RTKN2: variants seen among roughly 807,000 people sequenced by gnomAD.
The protein encoded by RTKN2 is rhotekin-2.
RTKN2 carries 69 observed loss-of-function variants against 71.5 expected under a neutral mutation model. The ratio of observed to expected loss-of-function variants is 0.96; its 90% CI spans 0.79 to 1.18. The LOEUF (loss-of-function observed/expected upper bound fraction) is 1.18. Ranked by LOEUF, RTKN2 falls within the 50% of genes most tolerant of loss-of-function variation. The pLI, the probability that RTKN2 is intolerant of heterozygous loss-of-function variation, is 0.00. For synonymous variants in RTKN2, 236 were observed against 236.5 expected, an observed-to-expected ratio of 1.00 and a Z score of 0.02; for missense variants, 724 against 719.7, an observed-to-expected ratio of 1.01 and a Z score of -0.07.
chr10:62,232,505 G>A (rs372864106), intron 6 of RTKN2, among the ~76,000 whole-genome samples: 1 of 151,538 alleles, frequency 6.6e-6, no homozygotes, highest in East Asian at 1.9e-4. Flanking sequence ...TTTCACCATG[G>A]TGCCCAGGCT....
chr10:62,227,431 G>A (rs981912545), intron 6 of RTKN2, among the ~76,000 whole-genome samples: 2 of 152,096 alleles, frequency 1.3e-5, no homozygotes, highest in African/African-American at 4.8e-5. Context: ...TCAGGCAGAG[G>A]ACAATACATA....
intron 11 of RTKN2, among the ~76,000 whole-genome samples, chr10:62,198,976 C>T (rs1841386426): frequency 6.6e-6 from 1 of 152,086 alleles, no homozygotes; most frequent in Non-Finnish European, 1.5e-5. Context: ...ACCAAAAACC[C>T]AGGAAAACAG....
Position 62,246,013 on chromosome 10 carries a change from T to G in RTKN2, c.302A>C (p.Lys101Thr), listed in dbSNP as rs3765004. 4.0e-4 allele frequency: 638 copies of G among 1,592,034 alleles called. 4 individuals carry two copies. The East Asian group carries it at 0.014, about 34-fold the overall frequency. Reference protein sequence around the residue: ...ESKERTACKGKIAISDIRIPL... With the variant: ...ESKERTACKGTIAISDIRIPL... ...TTATAGCATACCTGATATGGCAATC[T>G]TTCCTTTACATGCTGTTCGTTCTTT... is the stretch of plus-strand genomic sequence containing the variant. The change falls in exon 3 of 12, where the codon AAG (lysine) becomes ACG (threonine). Residue 101 changes from lysine (K) to threonine (T), a missense_variant. Coordinates refer to ENST00000373789, the MANE Select transcript of RTKN2 (RefSeq NM_145307.4).
chr10:62,226,765 C>T (rs1842032138), intron 6 of RTKN2, among the ~76,000 whole-genome samples: 1 of 152,026 alleles, frequency 6.6e-6, no homozygotes, highest in African/African-American at 2.4e-5. Context: ...ATAATGAATC[C>T]CCAAAAAGTT....
intron 7 of RTKN2, among the ~76,000 whole-genome samples, chr10:62,222,910 G>C (rs1754742439): frequency 6.6e-6 from 1 of 152,132 alleles, no homozygotes; most frequent in Non-Finnish European, 1.5e-5. Context: ...TAACAGAAAA[G>C]CTGGCTTCCT....
exon 9 of RTKN2, chr10:62,184,318 G>T: frequency 6.6e-7 from 1 of 1,517,624 alleles, no homozygotes; most frequent in Non-Finnish European, 8.9e-7. Flanking sequence ...AAGTATTTGA[G>T]AAGCTATGTG....
chr10:62,235,236 A>G (rs1038762666), intron 6 of RTKN2, among the ~76,000 whole-genome samples: 1 of 152,062 alleles, frequency 6.6e-6, no homozygotes, highest in Non-Finnish European at 1.5e-5. Context: ...TCAAAACAGT[A>G]TTTTTTCCAG....
At chr10:62,264,068 T>C (rs762954734) in intron 1 of RTKN2, among the ~76,000 whole-genome samples, 33 of 152,194 alleles carry the variant, frequency 2.2e-4, no homozygotes, top group African/African-American at 4.3e-4. Flanking sequence ...CTAGTTTCTA[T>C]GGCAAAAAAA....
chr10:62,220,135 T>C (rs1417548860), intron 7 of RTKN2, among the ~76,000 whole-genome samples: 1 of 152,214 alleles, frequency 6.6e-6, no homozygotes, highest in African/African-American at 2.4e-5. Flanking sequence ...AGTTAATATA[T>C]ACATGCAAGG....
At chr10:62,248,275 T>G (rs1842514664) in intron 2 of RTKN2, among the ~76,000 whole-genome samples, 3 of 152,128 alleles carry the variant, frequency 2.0e-5, no homozygotes. Context: ...ACTGAAGTAA[T>G]TCAGCCTCAA....
chr10:62,245,254 ATCCTT>A (rs993712320), intron 3 of RTKN2, among the ~76,000 whole-genome samples: 8 of 152,136 alleles, frequency 5.3e-5, no homozygotes, highest in African/African-American at 1.9e-4. Flanking sequence ...GAAAGGAAAC[ATCCTT>A]TCTAGTTGGA....
intron 2 of RTKN2, among the ~76,000 whole-genome samples, chr10:62,259,001 A>G (rs897366753): frequency 1.3e-5 from 2 of 152,018 alleles, no homozygotes; most frequent in Non-Finnish European, 2.9e-5. Context: ...CCCCACCCAA[A>G]TCTCATCTTG....
At chr10:62,209,583 AT>A (rs1841618234) in intron 9 of RTKN2, among the ~76,000 whole-genome samples, 1 of 152,086 alleles carries the variant, frequency 6.6e-6, no homozygotes, top group Non-Finnish European at 1.5e-5. Flanking sequence ...CCTAGTAACT[AT>A]TAGTTATTTT....
At chr10:62,200,994 T>G (rs1253358675) in intron 10 of RTKN2, among the ~76,000 whole-genome samples, 1 of 152,172 alleles carries the variant, frequency 6.6e-6, no homozygotes. Context: ...AGATTTCTCC[T>G]GAGTGATGTC....
chr10:62,194,156 G>C lies in RTKN2; in HGVS notation c.*3752C>G. ...TTAAAAAATAAAAATTATAAACAAA[G>C]CCAATTACACAAGCATGTCAGAAAA... On this transcript the variant is annotated 3_prime_UTR_variant, in exon 12 of 12. Coordinates refer to ENST00000373789, the MANE Select transcript of RTKN2 (RefSeq NM_145307.4). 1.0e-6 allele frequency: 1 copy of C among 977,082 alleles called. No individual in the cohort carries two copies. The highest frequency in any genetic ancestry group is 1.2e-6 in the Non-Finnish European group (1 of 822,528). The allele number at this position is 977,082 out of a possible 1,614,324, so 60.5% of individuals were successfully genotyped here. A position where few individuals can be genotyped will look rare whatever the true frequency, so the allele number is the denominator to read the frequency against.
At chr10:62,210,886 G>A (rs940217722) in intron 9 of RTKN2, among the ~76,000 whole-genome samples, 3 of 151,932 alleles carry the variant, frequency 2.0e-5, no homozygotes, top group Non-Finnish European at 2.9e-5. Context: ...AGATATTAAG[G>A]AAACTAATAT....
In RTKN2 at chr10:62,195,465, T is replaced by C. The variant is rs893080272; in HGVS notation, c.*2443A>G. On this transcript the variant is annotated 3_prime_UTR_variant, in exon 12 of 12. Transcript: ENST00000373789. ...ATTTTTAGATTTTTTTTTTAAACTG[T>C]AAAGGAAGGGAGGAAGGAGAGACAG... 1.2e-5 allele frequency: 12 copies of C among 965,936 alleles called. No homozygotes were observed. The African/African-American group carries it at 1.9e-4, about 16-fold the overall frequency. 59.8% of individuals were successfully genotyped at this position (965,936 alleles called of 1,614,324 possible). A position where few individuals can be genotyped will look rare whatever the true frequency, so the allele number is the denominator to read the frequency against.
intron 2 of RTKN2, among the ~76,000 whole-genome samples, chr10:62,247,661 A>G (rs192030876): frequency 6.6e-6 from 1 of 152,134 alleles, no homozygotes; most frequent in Non-Finnish European, 1.5e-5. Context: ...TCACAGAATA[A>G]AAAGTTCAAT....
intron 6 of RTKN2, among the ~76,000 whole-genome samples, chr10:62,224,338 G>A (rs1279574773): frequency 6.6e-6 from 1 of 151,880 alleles, no homozygotes; most frequent in African/African-American, 2.4e-5. Flanking sequence ...CTACAAAAAA[G>A]AAAAAATTTA....
Sources: allele counts gnomAD v4.1 joint callset (sites outside exome capture counted in the v4.1 genomes callset), GRCh38; gene constraint gnomAD v4.1.1; transcripts MANE v1.5; gene names NCBI Gene and HGNC (gene_info 2026-07-23, HGNC 2026-07-21).